NUBPL: variants seen among roughly 807,000 people sequenced by gnomAD.
NUBPL encodes NUBP iron-sulfur cluster assembly factor, mitochondrial, also known as iron-sulfur cluster transfer protein NUBPL.
In NUBPL, 31 loss-of-function variants were observed where a neutral mutation model predicts 45.7. The observed-to-expected ratio is 0.68, with a 90% CI of 0.51 to 0.92. The LOEUF (loss-of-function observed/expected upper bound fraction) is 0.92, where lower values mean the gene tolerates loss of function less well. Ranked by LOEUF, NUBPL falls within the 40% of genes least tolerant of loss-of-function variation. The probability of loss-of-function intolerance (pLI) is 0.00; values close to 1 mark genes in which losing one functional copy is unlikely to be tolerated. For synonymous variants in NUBPL, 144 were observed against 140.9 expected (o/e 1.02, Z -0.15); for missense variants, 401 against 398.7 (o/e 1.01, Z -0.05).
chr14:31,782,629 A>G (rs560593929), intron 6 of NUBPL, among the ~76,000 whole-genome samples: 149 of 152,162 alleles, frequency 9.8e-4, no homozygotes, highest in Non-Finnish European at 1.8e-3. Context: ...TGTCTCTACT[A>G]AAAATAGAAA....
At chr14:31,765,723 T>C (rs2038900783) in intron 6 of NUBPL, among the ~76,000 whole-genome samples, 1 of 152,094 alleles carries the variant, frequency 6.6e-6, no homozygotes, top group Admixed American at 6.6e-5. Flanking sequence ...ATTTTGAAAA[T>C]GTTTCTCTTT....
At chr14:31,830,592 A>C (rs34996923) in intron 8 of NUBPL, among the ~76,000 whole-genome samples, 3,744 of 152,340 alleles carry the variant, frequency 0.025, 79 homozygotes, top group Non-Finnish European at 0.037. Context: ...GTATGCCAGG[A>C]AAAGTTAATA....
At chr14:31,639,891 G>C (rs6571441) in intron 4 of NUBPL, among the ~76,000 whole-genome samples, 3 of 150,844 alleles carry the variant, frequency 2.0e-5, no homozygotes, top group South Asian at 2.1e-4. Context: ...ATTATATCCA[G>C]GTGCGGGATA....
At chr14:31,609,197 A>G (rs1232741195) in intron 4 of NUBPL, among the ~76,000 whole-genome samples, 2 of 152,176 alleles carry the variant, frequency 1.3e-5, no homozygotes, top group Non-Finnish European at 2.9e-5. Context: ...ACCTATAAAG[A>G]CACACATAGA....
At chr14:31,607,260 G>C (rs2034627377) in intron 4 of NUBPL, among the ~76,000 whole-genome samples, 1 of 152,016 alleles carries the variant, frequency 6.6e-6, no homozygotes, top group South Asian at 2.1e-4. Context: ...GTGTATGCCT[G>C]TAGTCCCAGC....
In NUBPL at chr14:31,859,217, A is replaced by C. The variant is rs1319937185; in HGVS notation, c.*37A>C. On this transcript the variant is annotated 3_prime_UTR_variant, in exon 11 of 11. Coordinates refer to ENST00000281081, the MANE Select transcript of NUBPL (RefSeq NM_025152.3). Reference sequence around the variant, plus strand: ...TCCTGGAAATTTGCCTGGTACTGACATTAAGAGGACCTTTGGAAATCAGCA... The same window carrying C: ...TCCTGGAAATTTGCCTGGTACTGACCTTAAGAGGACCTTTGGAAATCAGCA... 6.6e-7 allele frequency: 1 copy of C among 1,522,184 alleles called. No individual in the cohort carries two copies. The allele number at this position is 1,522,184 out of a possible 1,614,324, so 94.3% of individuals were successfully genotyped here.
chr14:31,785,192 A>C (rs1186861737), intron 6 of NUBPL, among the ~76,000 whole-genome samples: 1 of 152,226 alleles, frequency 6.6e-6, no homozygotes. Context: ...TTGCTATCTG[A>C]AATTTGGTAA....
chr14:31,640,316 C>A (rs118052642), intron 4 of NUBPL, among the ~76,000 whole-genome samples: 1 of 152,208 alleles, frequency 6.6e-6, no homozygotes, highest in East Asian at 1.9e-4. Flanking sequence ...ACTTAAGAAA[C>A]GCTTTGGGGC....
intron 6 of NUBPL, among the ~76,000 whole-genome samples, chr14:31,695,811 A>G (rs927659968): frequency 1.3e-5 from 2 of 152,222 alleles, no homozygotes; most frequent in African/African-American, 4.8e-5. Context: ...AGTTATAGCA[A>G]CAGAAAACAG....
In NUBPL at chr14:31,798,183, C is replaced by T. The variant is rs149551802; in HGVS notation, c.607+10310C>T. 1.8e-3 allele frequency among the ~76,000 whole-genome samples: 274 copies of T among 152,074 alleles called. 1 individual carries two copies. Among genetic ancestry groups the T allele is most frequent in the African/African-American group, 6.3e-3 (262 of 41,448 alleles). On this transcript the variant is annotated intron_variant, in intron 7 of 10. Transcript: ENST00000281081. ...TCCTATGAGTGCCTCACCCTGACTG[C>T]TTCTCACCCAAGTGTTTTTTCTGTG...
intron 4 of NUBPL, among the ~76,000 whole-genome samples, chr14:31,604,921 G>C (rs1036852427): frequency 6.6e-6 from 1 of 152,134 alleles, no homozygotes; most frequent in Non-Finnish European, 1.5e-5. Flanking sequence ...GCAAAATTAT[G>C]GTAGTGGAAA....
chr14:31,708,277 C>A (rs191088724), intron 6 of NUBPL, among the ~76,000 whole-genome samples: 131 of 152,296 alleles, frequency 8.6e-4, no homozygotes, highest in African/African-American at 3.1e-3. Context: ...CCTTTATGAG[C>A]TTCAGGCCTT....
At chr14:31,818,333 C>A (rs1228437160) in intron 7 of NUBPL, among the ~76,000 whole-genome samples, 7 of 152,154 alleles carry the variant, frequency 4.6e-5, no homozygotes, top group Non-Finnish European at 1.0e-4. Flanking sequence ...GAACTCTCCA[C>A]CCCAAATCAA....
chr14:31,680,247 T>C (rs1013187368), intron 6 of NUBPL, among the ~76,000 whole-genome samples: 1 of 152,146 alleles, frequency 6.6e-6, no homozygotes, highest in African/African-American at 2.4e-5. Context: ...TTATTGCCCT[T>C]ACTTACTGCC....
chr14:31,753,877 C>CA (rs1219200788), intron 6 of NUBPL, among the ~76,000 whole-genome samples: 15 of 152,216 alleles, frequency 9.9e-5, no homozygotes, highest in African/African-American at 3.4e-4. Context: ...GCCTTCACAC[C>CA]ATGGTAAAGC....
At chr14:31,717,743 C>T (rs1353264446) in intron 6 of NUBPL, among the ~76,000 whole-genome samples, 1 of 151,384 alleles carries the variant, frequency 6.6e-6, no homozygotes, top group Non-Finnish European at 1.5e-5. Context: ...ACTCAAGAAT[C>T]GATTTTGTGT....
At chr14:31,742,606 T>G (rs7144480) in intron 6 of NUBPL, among the ~76,000 whole-genome samples, 5,261 of 152,194 alleles carry the variant, frequency 0.035, 289 homozygotes, top group African/African-American at 0.12. Context: ...AGGTTATCTC[T>G]TTTATTTATT....
intron 4 of NUBPL, among the ~76,000 whole-genome samples, chr14:31,653,907 G>T (rs1473796530): frequency 6.6e-6 from 1 of 152,164 alleles, no homozygotes; most frequent in Admixed American, 6.5e-5. Flanking sequence ...CTCTGCTGCG[G>T]CTCCAGCTGG....
At chr14:31,801,811 T>G (rs1048944498) in intron 7 of NUBPL, among the ~76,000 whole-genome samples, 53 of 152,334 alleles carry the variant, frequency 3.5e-4, no homozygotes, top group African/African-American at 1.3e-3. Context: ...CTCTGTGTTC[T>G]TCCAGGGAAC....
Sources: allele counts gnomAD v4.1 joint callset (sites outside exome capture counted in the v4.1 genomes callset), GRCh38; gene constraint gnomAD v4.1.1; transcripts MANE v1.5; gene names NCBI Gene and HGNC (gene_info 2026-07-23, HGNC 2026-07-21).